JMJD1C: variants seen among roughly 807,000 people sequenced by gnomAD.
The protein encoded by JMJD1C is jumonji domain containing 1C.
Under a neutral mutation model 245.3 loss-of-function variants are expected in JMJD1C, and 31 were observed. That is an observed-to-expected ratio of 0.13 (90% confidence interval 0.09 to 0.17). The LOEUF is 0.17. Among genes scored for constraint, JMJD1C ranks in the 10% least tolerant of loss-of-function variants. JMJD1C has a pLI of 1.00. For missense variants in JMJD1C, 2,691 were observed against 3,000.2 expected, an observed-to-expected ratio of 0.90 and a Z score of 2.41; for synonymous variants, 1,057 against 1,017.4, an observed-to-expected ratio of 1.04 and a Z score of -0.74.
chr10:63,267,901 G>T (rs1008862784), intron 2 of JMJD1C, among the ~76,000 whole-genome samples: 1 of 152,042 alleles, frequency 6.6e-6, no homozygotes, highest in African/African-American at 2.4e-5. Context: ...GCTCCATGCT[G>T]CACCACATTC....
intron 1 of JMJD1C, among the ~76,000 whole-genome samples, chr10:63,386,557 A>G (rs1947605455): frequency 6.6e-6 from 1 of 152,178 alleles, no homozygotes; most frequent in Admixed American, 6.5e-5. Context: ...TACCTTGCTT[A>G]GTCTACCACC....
At chr10:63,255,104 C>T (rs1192776509) in intron 3 of JMJD1C, among the ~76,000 whole-genome samples, 1 of 152,110 alleles carries the variant, frequency 6.6e-6, no homozygotes, top group Non-Finnish European at 1.5e-5. Context: ...CCTCGGCCTC[C>T]CAAAGTGCTA....
intron 2 of JMJD1C, among the ~76,000 whole-genome samples, chr10:63,285,972 C>T (rs1589386792): frequency 6.6e-6 from 1 of 152,200 alleles, no homozygotes; most frequent in Non-Finnish European, 1.5e-5. Context: ...AACAAAATGA[C>T]ATCATTCAAG....
At chr10:63,322,191 A>G (rs929283117) in intron 2 of JMJD1C, among the ~76,000 whole-genome samples, 14 of 152,184 alleles carry the variant, frequency 9.2e-5, no homozygotes, top group African/African-American at 3.4e-4. Flanking sequence ...AATGTTGCAC[A>G]TGCCTTGGTT....
chr10:63,440,628 T>C (rs1470970344), intron 1 of JMJD1C, among the ~76,000 whole-genome samples: 2 of 152,098 alleles, frequency 1.3e-5, no homozygotes, highest in East Asian at 3.9e-4. Context: ...ATCTACCTCT[T>C]AGAACCCCAG....
At chr10:63,401,942 C>T (rs1948882695) in intron 1 of JMJD1C, among the ~76,000 whole-genome samples, 1 of 152,064 alleles carries the variant, frequency 6.6e-6, no homozygotes, top group Admixed American at 6.6e-5. Flanking sequence ...CGAGATCAGC[C>T]TGACCAACAT....
intron 13 of JMJD1C, 78 bp from the exon 14 acceptor site, chr10:63,194,453 A>C: frequency 1.0e-6 from 1 of 962,922 alleles, no homozygotes; most frequent in South Asian, 1.5e-5. Context: ...CTTAACGATT[A>C]TATAAAATGT....
chr10:63,520,682 T>A (rs756540240), intron 1 of JMJD1C, among the ~76,000 whole-genome samples: 1 of 152,162 alleles, frequency 6.6e-6, no homozygotes, highest in Non-Finnish European at 1.5e-5. Context: ...ACTTTGAACA[T>A]CTGGCAGGCC....
chr10:63,281,283 C>T (rs1020842518), intron 2 of JMJD1C, among the ~76,000 whole-genome samples: 6 of 149,942 alleles, frequency 4.0e-5, no homozygotes, highest in Admixed American at 1.3e-4. Flanking sequence ...TACAGGCACA[C>T]GCCACCATGC....
chr10:63,517,899 T>G (rs1013472065), intron 1 of JMJD1C, among the ~76,000 whole-genome samples: 1 of 151,092 alleles, frequency 6.6e-6, no homozygotes, highest in African/African-American at 2.4e-5. Flanking sequence ...TTCAGGTGAT[T>G]CTCCTGCCTC....
chr10:63,184,516 T>TTGC lies in JMJD1C; in HGVS notation c.6961+89_6961+91dup, dbSNP rs528564569. ...CTTAGCCTCCCAAAGAGTGCTGGGA[T>TTGC]TGCAGGCGTGAGCCACTATGCCCGG... is the stretch of plus-strand genomic sequence containing the variant. On this transcript the variant is annotated intron_variant, in intron 21 of 25. Coordinates refer to ENST00000399262, the MANE Select transcript of JMJD1C (RefSeq NM_032776.3). 108 of 1,099,318 alleles carry TTGC rather than the reference T, an allele frequency of 9.8e-5. No homozygotes were observed. In the African/African-American group the frequency reaches 1.5e-3, roughly 15 times the overall value. 68.1% of individuals were successfully genotyped at this position (1,099,318 alleles called of 1,614,324 possible). A position where few individuals can be genotyped will look rare whatever the true frequency, so the allele number is the denominator to read the frequency against.
chr10:63,171,642 T>C (rs1321066605), intron 24 of JMJD1C, among the ~76,000 whole-genome samples: 1 of 152,210 alleles, frequency 6.6e-6, no homozygotes, highest in Non-Finnish European at 1.5e-5. Context: ...AAAATCAGCA[T>C]TTCCTGGAAA....
intron 2 of JMJD1C, among the ~76,000 whole-genome samples, chr10:63,273,633 T>C (rs1043984934): frequency 1.3e-5 from 2 of 152,162 alleles, no homozygotes; most frequent in Admixed American, 6.5e-5. Flanking sequence ...AGGTGAAAAG[T>C]TAATTTTTGT....
chr10:63,449,910 T>G (rs1050335675), intron 1 of JMJD1C, among the ~76,000 whole-genome samples: 1 of 152,034 alleles, frequency 6.6e-6, no homozygotes, highest in Non-Finnish European at 1.5e-5. Context: ...GAGGCCAGTT[T>G]GAGACCAGCC....
intron 5 of JMJD1C, among the ~76,000 whole-genome samples, 167 bp from the exon 6 acceptor site, chr10:63,215,863 TTTTA>T (rs1847922115): frequency 6.6e-6 from 1 of 152,222 alleles, no homozygotes; most frequent in African/African-American, 2.4e-5. Context: ...AAAATTACCT[TTTTA>T]ACCTTCTGAA....
chr10:63,488,913 G>C (rs746415247), intron 1 of JMJD1C, among the ~76,000 whole-genome samples: 28 of 152,288 alleles, frequency 1.8e-4, no homozygotes, highest in Admixed American at 3.3e-4. Flanking sequence ...TCACAGTCAT[G>C]TGTCACATGA....
chr10:63,490,613 A>G (rs12762907), intron 1 of JMJD1C, among the ~76,000 whole-genome samples: 30,948 of 151,822 alleles, frequency 0.2, 4,123 homozygotes, highest in Non-Finnish European at 0.3. Context: ...ACGGGGTTTC[A>G]CCATGTTGTT....
intron 2 of JMJD1C, among the ~76,000 whole-genome samples, chr10:63,304,608 T>C (rs1188078461): frequency 6.6e-6 from 1 of 152,342 alleles, no homozygotes; most frequent in Non-Finnish European, 1.5e-5. Flanking sequence ...CAACTTTTAA[T>C]GTTGGTAGAA....
At chr10:63,264,555 T>TATTTAAA in intron 3 of JMJD1C, 96 bp downstream of exon 3, 1 of 610,308 alleles carries the variant, frequency 1.6e-6, no homozygotes. Flanking sequence ...AGAAGTTAGA[T>TATTTAAA]GAAATGATAT....
Sources: allele counts gnomAD v4.1 joint callset (sites outside exome capture counted in the v4.1 genomes callset), GRCh38; gene constraint gnomAD v4.1.1; transcripts MANE v1.5; gene names NCBI Gene and HGNC (gene_info 2026-07-23, HGNC 2026-07-21).